Variants in KLF17 observed in about 807,000 individuals in gnomAD.
KLF17 encodes the protein KLF transcription factor 17.
A neutral mutation model predicts 34.2 loss-of-function variants in KLF17; 31 were observed. The ratio of observed to expected loss-of-function variants is 0.91; its 90% CI spans 0.68 to 1.22. KLF17 has a LOEUF of 1.22. Among genes scored for constraint, KLF17 ranks in the 50% most tolerant of loss-of-function variants. The pLI is 0.00. For synonymous variants in KLF17, 179 were observed against 186.7 expected (o/e 0.96, Z 0.34); for missense variants, 478 against 505.2 (o/e 0.95, Z 0.52).
At chr1:44,083,639 C>T in the KLF17 span, among the ~76,000 whole-genome samples, 1 of 151,798 alleles carries the variant, frequency 6.6e-6, no homozygotes, top group Non-Finnish European at 1.5e-5. Flanking sequence ...ACTAAAAATA[C>T]AAAAATTAGT....
At chr1:44,127,639 C>CTTTCT (rs1553171634) in intron 1 of KLF17, among the ~76,000 whole-genome samples, 7 of 77,428 alleles carry the variant, frequency 9.0e-5, no homozygotes, top group African/African-American at 3.1e-4. Context: ...CTTTTCTTTC[C>CTTTCT]TTCTTTCTTT....
chr1:44,066,657 C>T, the KLF17 span, among the ~76,000 whole-genome samples: 4 of 152,208 alleles, frequency 2.6e-5, no homozygotes, highest in South Asian at 6.2e-4. Flanking sequence ...CCCAGATATT[C>T]GACTCTTGGA....
the KLF17 span, among the ~76,000 whole-genome samples, chr1:44,070,847 A>G: frequency 6.6e-6 from 1 of 152,008 alleles, no homozygotes; most frequent in African/African-American, 2.4e-5. Context: ...AGTTATTTTT[A>G]ATACAAATTT....
chr1:44,109,038 G>A, the KLF17 span, among the ~76,000 whole-genome samples: 1 of 152,186 alleles, frequency 6.6e-6, no homozygotes, highest in Non-Finnish European at 1.5e-5. Context: ...GTGCCCAAAA[G>A]AAGGAGAAGA....
chr1:44,078,955 G>A, the KLF17 span, among the ~76,000 whole-genome samples: 1 of 152,148 alleles, frequency 6.6e-6, no homozygotes, highest in South Asian at 2.1e-4. Context: ...AAAGTGCTGG[G>A]ATTACAGGCA....
chr1:44,073,469 G>T, the KLF17 span, among the ~76,000 whole-genome samples: 1 of 151,976 alleles, frequency 6.6e-6, no homozygotes, highest in South Asian at 2.1e-4. Flanking sequence ...GCCTCCCAAA[G>T]TGCTGGGACT....
At chr1:44,104,001 C>T in the KLF17 span, 1 of 853,578 alleles carries the variant, frequency 1.2e-6, no homozygotes. Context: ...AGCGATGATG[C>T]TGTCCGTGTC....
At chr1:44,101,266 A>T in the KLF17 span, among the ~76,000 whole-genome samples, 1 of 152,146 alleles carries the variant, frequency 6.6e-6, no homozygotes, top group Non-Finnish European at 1.5e-5. Context: ...CCACAATATA[A>T]ACCTCATAAT....
chr1:44,098,590 A>T, the KLF17 span, among the ~76,000 whole-genome samples: 2 of 124,866 alleles, frequency 1.6e-5, no homozygotes, highest in African/African-American at 3.0e-5. Context: ...TCGTCCTGTC[A>T]CCCAGGCTGG....
intron 1 of KLF17, among the ~76,000 whole-genome samples, chr1:44,122,832 CAA>C (rs1482931467): frequency 6.6e-6 from 1 of 152,158 alleles, no homozygotes; most frequent in African/African-American, 2.4e-5. Flanking sequence ...CTCCTGACCT[CAA>C]GTGATCCACC....
upstream of KLF17, among the ~76,000 whole-genome samples, chr1:44,118,496 T>C (rs2087904206): frequency 6.6e-6 from 1 of 152,192 alleles, no homozygotes; most frequent in African/African-American, 2.4e-5. Flanking sequence ...ACACCCAACC[T>C]TGCCTCTCTC....
the KLF17 span, chr1:44,103,157 A>G: frequency 0.36 from 196,901 of 540,628 alleles, 36,413 homozygotes; most frequent in Middle Eastern, 0.42. Context: ...GGTATCCCCA[A>G]GCAGTAAACT....
the KLF17 span, chr1:44,103,473 G>C: frequency 1.1e-6 from 1 of 889,452 alleles, no homozygotes; most frequent in East Asian, 2.4e-5. Context: ...GCTGAGGCCG[G>C]GGCTCGTGAG....
chr1:44,126,805 C>T (rs1403899975), intron 1 of KLF17, among the ~76,000 whole-genome samples: 1 of 151,938 alleles, frequency 6.6e-6, no homozygotes, highest in African/African-American at 2.4e-5. Flanking sequence ...ACAAATGCTT[C>T]GATAGGCTAT....
chr1:44,067,437 G>A, the KLF17 span, among the ~76,000 whole-genome samples: 2 of 152,164 alleles, frequency 1.3e-5, no homozygotes, highest in Non-Finnish European at 2.9e-5. Context: ...TCAGGTTCCC[G>A]AGAACAGAGT....
the KLF17 span, among the ~76,000 whole-genome samples, chr1:44,051,763 A>G: frequency 1.3e-5 from 2 of 152,192 alleles, no homozygotes; most frequent in Non-Finnish European, 2.9e-5. Flanking sequence ...GAATGATTTA[A>G]GGCAGGACAC....
At position 44,119,039 on chromosome 1, in the gene KLF17, CG is replaced by C. The variant is rs1315958925; in HGVS notation, c.81+53del. 3 of 1,399,716 alleles carry C rather than the reference CG, an allele frequency of 2.1e-6. No homozygotes were observed. The East Asian group carries it at 8.0e-5, about 37-fold the overall frequency. The allele number at this position is 1,399,716 out of a possible 1,614,324, so 86.7% of individuals were successfully genotyped here. On this transcript the variant is annotated intron_variant, in intron 1 of 3. Coordinates refer to ENST00000372299, the MANE Select transcript of KLF17 (RefSeq NM_173484.4). The stretch of plus-strand genomic sequence containing the variant: ...GGCCGGGCGGGCCCAGGCTAGGGGG[CG>C]GCGGGGAGGGGAGGCCTTGGAGGAG...
In KLF17 at chr1:44,130,717, C is replaced by T. The variant is rs768641457; in HGVS notation, c.1131C>T (p.Asn377=). 6.5e-6 allele frequency: 10 copies of T among 1,543,464 alleles called. No homozygotes were observed. The South Asian group carries it at 9.5e-5, about 15-fold the overall frequency. ...CCTCAGACCCACAGGCCAACAACAA[C>T]AATGGAGAGCAGGACAGTCCTCCTG... The part of the protein sequence containing the change: ...PGPSDPQANN[N]NGEQDSPPAA... Residue 377 remains asparagine (N), a synonymous_variant, in exon 3 of 4, where the codon AAC becomes AAT. Coordinates refer to ENST00000372299, the MANE Select transcript of KLF17 (RefSeq NM_173484.4).
At position 44,118,852 on chromosome 1, in the gene KLF17, CG is replaced by C; in HGVS notation, c.-55del. ...ATGTACCGATACCCGCCTGCGACGC[CG>C]TGGTGGCTGGTTCCCTGTCTCTTCA... On this transcript the variant is annotated 5_prime_UTR_variant, in exon 1 of 4. Coordinates refer to ENST00000372299, the MANE Select transcript of KLF17 (RefSeq NM_173484.4). 2 of 1,395,874 alleles carry C rather than the reference CG, an allele frequency of 1.4e-6. No homozygotes were observed. The highest frequency in any genetic ancestry group is 2.7e-5 in the South Asian group (2 of 73,510). 86.5% of individuals were successfully genotyped at this position (1,395,874 alleles called of 1,614,324 possible).
Sources: gnomAD v4.1 joint callset for allele counts (sites outside exome capture counted in the v4.1 genomes callset) on GRCh38, gnomAD v4.1.1 for gene constraint, MANE v1.5 for transcripts, NCBI Gene and HGNC (gene_info 2026-07-23, HGNC 2026-07-21) for gene names.